The following GPAT3 variants were observed in gnomAD, a reference collection of about 807,000 sequenced individuals.
GPAT3 encodes the protein glycerol-3-phosphate acyltransferase 3, also known as 1-AGP acyltransferase 9.
A neutral mutation model predicts 58.8 loss-of-function variants in GPAT3; 53 were observed. The ratio of observed to expected loss-of-function variants is 0.90; its 90% CI spans 0.72 to 1.13. The LOEUF (loss-of-function observed/expected upper bound fraction) is 1.13. Ranked by LOEUF, GPAT3 falls within the 50% of genes most tolerant of loss-of-function variation. GPAT3 has a pLI of 0.00. For missense variants in GPAT3, 511 were observed against 527.6 expected, an observed-to-expected ratio of 0.97 and a Z score of 0.31; for synonymous variants, 197 against 187.4, an observed-to-expected ratio of 1.05 and a Z score of -0.42.
Position 83,590,290 on chromosome 4 carries a change from A to G in GPAT3, c.736A>G (p.Met246Val). Reference sequence around the variant, plus strand: ...CTTGACAACGGATGGATGTTATGCTATGGTAAGAGCAGCTCATTGATATTT... The same window carrying G: ...CTTGACAACGGATGGATGTTATGCTGTGGTAAGAGCAGCTCATTGATATTT... ...LILTTDGCYA[M>V]VGQVHGGLMG... Residue 246 changes from methionine to valine, a missense_variant and splice_region_variant, in exon 6 of 12, where the codon ATG becomes GTG. By Grantham distance (21) the Met-to-Val change is conservative. Transcript: ENST00000264409. 1.9e-6 allele frequency: 3 copies of G among 1,612,876 alleles called. No homozygotes were observed. The highest frequency in any genetic ancestry group is 2.5e-6 in the Non-Finnish European group (3 of 1,179,068).
chr4:83,604,580 T>G, intron 11 of GPAT3, 88 bp from the exon 12 acceptor site: 2 of 974,854 alleles, frequency 2.1e-6, no homozygotes, highest in East Asian at 5.5e-5. Flanking sequence ...CTAAGCGTCA[T>G]GGTATCATGC....
At chr4:83,539,688 G>A (rs138834591) in intron 1 of GPAT3, among the ~76,000 whole-genome samples, 11 of 152,236 alleles carry the variant, frequency 7.2e-5, no homozygotes, top group South Asian at 2.1e-4. Flanking sequence ...AGATGTATGC[G>A]TAAGTCACTG....
chr4:83,604,960 C>A lies in GPAT3; in HGVS notation c.*193C>A. ...GCTTTTGTTGTTGTTGTAACATTAG[C>A]CCCATGGATTGTAAGGTGGTTTACT... is the stretch of plus-strand genomic sequence containing the variant. On this transcript the variant is annotated 3_prime_UTR_variant, in exon 12 of 12. Coordinates refer to ENST00000264409, the MANE Select transcript of GPAT3 (RefSeq NM_032717.5). 1 of 525,888 alleles carries A rather than the reference C, an allele frequency of 1.9e-6. No homozygotes were observed. The highest frequency in any genetic ancestry group is 2.4e-5 in the South Asian group (1 of 41,508). The allele number at this position is 525,888 out of a possible 1,614,324, so 32.6% of individuals were successfully genotyped here.
chr4:83,541,393 CTTTTTTTTT>C (rs777665390), intron 1 of GPAT3, among the ~76,000 whole-genome samples: 1 of 113,692 alleles, frequency 8.8e-6, no homozygotes. Context: ...AATTTAAAAC[CTTTTTTTTT>C]TTTTTTTTTT....
At position 83,604,793 on chromosome 4, in the gene GPAT3, T is replaced by G. The variant is rs780978934; in HGVS notation, c.*26T>G. 6.4e-7 allele frequency: 1 copy of G among 1,570,048 alleles called. No homozygotes were observed. Among genetic ancestry groups the G allele is most frequent in the East Asian group, 2.2e-5 (1 of 44,554 alleles). On this transcript the variant is annotated 3_prime_UTR_variant, in exon 12 of 12. Coordinates refer to ENST00000264409, the MANE Select transcript of GPAT3 (RefSeq NM_032717.5). The stretch of plus-strand genomic sequence containing the variant: ...GAGGACGGATGACAGCCTTTAGATC[T>G]AGAACTAGCCCTTAGAAATGGAATG...
At chr4:83,588,678 T>C (rs1726477665) in intron 5 of GPAT3, among the ~76,000 whole-genome samples, 1 of 152,212 alleles carries the variant, frequency 6.6e-6, no homozygotes, top group Admixed American at 6.5e-5. Context: ...TTTTGAGCCA[T>C]GTCTCTCTGA....
chr4:83,549,714 A>T (rs1035695639), intron 2 of GPAT3, among the ~76,000 whole-genome samples: 2 of 145,800 alleles, frequency 1.4e-5, no homozygotes, highest in Admixed American at 6.9e-5. Context: ...GTATATATTT[A>T]TTATTATTAT....
intron 2 of GPAT3, among the ~76,000 whole-genome samples, chr4:83,567,334 G>A (rs1452707992): frequency 1.3e-5 from 2 of 152,060 alleles, no homozygotes; most frequent in African/African-American, 4.8e-5. Context: ...TTCTTGTTTT[G>A]TTACTTTAAA....
At chr4:83,582,930 T>C (rs1726208729) in intron 3 of GPAT3, among the ~76,000 whole-genome samples, 1 of 152,192 alleles carries the variant, frequency 6.6e-6, no homozygotes, top group Non-Finnish European at 1.5e-5. Flanking sequence ...AAAACAGGGT[T>C]CGTGTACTCT....
At chr4:83,561,277 A>G (rs1725115897) in intron 2 of GPAT3, among the ~76,000 whole-genome samples, 2 of 152,238 alleles carry the variant, frequency 1.3e-5, no homozygotes, top group African/African-American at 4.8e-5. Context: ...TTTAAAAAGC[A>G]GATTAATGCC....
chr4:83,540,153 T>C (rs1389403312), intron 1 of GPAT3, among the ~76,000 whole-genome samples: 1 of 116,032 alleles, frequency 8.6e-6, no homozygotes, highest in African/African-American at 3.8e-5. Context: ...CAAGACTCCA[T>C]CTAAAAAAAA....
intron 2 of GPAT3, among the ~76,000 whole-genome samples, chr4:83,566,772 T>C (rs932517491): frequency 4.0e-4 from 61 of 151,668 alleles, no homozygotes; most frequent in African/African-American, 1.3e-3. Context: ...TCTTTTTTTT[T>C]CCCCCATTTG....
At chr4:83,578,672 T>C (rs961219230) in intron 2 of GPAT3, among the ~76,000 whole-genome samples, 19 of 152,154 alleles carry the variant, frequency 1.2e-4, no homozygotes, top group African/African-American at 4.1e-4. Context: ...AGTACTTAGA[T>C]TGAGTAATGG....
At chr4:83,577,925 C>T (rs923535649) in intron 2 of GPAT3, among the ~76,000 whole-genome samples, 2 of 151,638 alleles carry the variant, frequency 1.3e-5, no homozygotes, top group African/African-American at 4.8e-5. Flanking sequence ...TCAGCCTCCC[C>T]AGTAGCCGGG....
chr4:83,538,709 GGATCT>G (rs778648525), intron 1 of GPAT3, among the ~76,000 whole-genome samples: 1 of 152,162 alleles, frequency 6.6e-6, no homozygotes, highest in Non-Finnish European at 1.5e-5. Flanking sequence ...CTCCAGTCCA[GGATCT>G]GACTTTCAGT....
At chr4:83,585,806 C>T (rs982256725) in intron 3 of GPAT3, among the ~76,000 whole-genome samples, 19 of 152,216 alleles carry the variant, frequency 1.2e-4, no homozygotes, top group Non-Finnish European at 1.9e-4. Flanking sequence ...AGGCTGGTCT[C>T]GAACTCCCCA....
rs1726539310 is a variant in GPAT3, at chr4:83,590,104, A to G, written c.645-95A>G. The G allele has an allele frequency of 3.5e-6, 4 of 1,149,772 alleles. No individual in the cohort carries two copies. In the South Asian group the frequency reaches 4.3e-5, roughly 12 times the overall value. 71.2% of individuals were successfully genotyped at this position (1,149,772 alleles called of 1,614,324 possible). The stretch of plus-strand genomic sequence containing the variant: ...TGAGACGCGAAAAAAAAAATTACAT[A>G]TATACACACACACACACTTAAAAAA... On this transcript the variant is annotated intron_variant, in intron 5 of 11. Coordinates refer to ENST00000264409, the MANE Select transcript of GPAT3 (RefSeq NM_032717.5).
chr4:83,544,536 T>C lies in GPAT3; in HGVS notation c.142T>C (p.Trp48Arg), dbSNP rs1230586659. ...ATTAATATTTCTTGTTTTTGAACAGTGGGCCACAATACGAATTGAAAAAGG... is the reference window on the plus strand; with the variant it reads ...ATTAATATTTCTTGTTTTTGAACAGCGGGCCACAATACGAATTGAAAAAGG... ...YMKILVKTLE[W>R]ATIRIEKGTP... The change falls in exon 2 of 12, where the codon TGG (tryptophan) becomes CGG (arginine). Residue 48 changes from tryptophan to arginine, a missense_variant and splice_region_variant. Trp to Arg is a moderately radical substitution (Grantham distance 101, BLOSUM62 -3). Coordinates refer to ENST00000264409, the MANE Select transcript of GPAT3 (RefSeq NM_032717.5). The C allele has an allele frequency of 4.3e-6, 7 of 1,613,786 alleles. No individual in the cohort carries two copies. Among genetic ancestry groups the C allele is most frequent in the Admixed American group, 3.3e-5 (2 of 59,990 alleles).
At chr4:83,597,920 T>C (rs1726906371) in intron 9 of GPAT3, 131 bp from the exon 10 acceptor site, 1 of 1,050,384 alleles carries the variant, frequency 9.5e-7, no homozygotes, top group Non-Finnish European at 1.4e-6. Flanking sequence ...TTTGATAAAT[T>C]CCATCAAGTG....
Sources: allele counts gnomAD v4.1 joint callset (sites outside exome capture counted in the v4.1 genomes callset), GRCh38; gene constraint gnomAD v4.1.1; transcripts MANE v1.5; gene names NCBI Gene and HGNC (gene_info 2026-07-23, HGNC 2026-07-21).